The following VPS41 variants were observed in gnomAD, a reference collection of about 807,000 sequenced individuals.
VPS41 encodes the protein VPS41 subunit of HOPS complex.
In VPS41, 85 loss-of-function variants were observed where a neutral mutation model predicts 130.9. That is an observed-to-expected ratio of 0.65 (90% CI 0.55 to 0.78). The LOEUF (loss-of-function observed/expected upper bound fraction) is 0.78, where lower values mean the gene tolerates loss of function less well. VPS41 is among the 30% of genes least tolerant of loss of function. VPS41 has a pLI of 0.00. For missense variants in VPS41, 874 were observed against 1,018.7 expected (o/e 0.86, Z 1.93); for synonymous variants, 335 against 332.9 (o/e 1.01, Z -0.07).
chr7:38,840,701 T>A (rs918530775), intron 4 of VPS41, among the ~76,000 whole-genome samples: 5 of 152,122 alleles, frequency 3.3e-5, no homozygotes, highest in Admixed American at 6.5e-5. Flanking sequence ...AAAATAAACA[T>A]TAAATGTAAA....
chr7:38,746,291 ATTAC>A (rs1351538876), intron 22 of VPS41, among the ~76,000 whole-genome samples: 81 of 152,022 alleles, frequency 5.3e-4, no homozygotes, highest in Middle Eastern at 3.4e-3. Flanking sequence ...ATATTGATAA[ATTAC>A]TTACTAATTC....
At chr7:38,825,549 A>C (rs1785255678) in intron 5 of VPS41, among the ~76,000 whole-genome samples, 1 of 152,184 alleles carries the variant, frequency 6.6e-6, no homozygotes, top group Non-Finnish European at 1.5e-5. Context: ...CATCTGAGAT[A>C]AGAATCACAT....
At chr7:38,896,305 T>C (rs1786990699) in intron 2 of VPS41, among the ~76,000 whole-genome samples, 1 of 152,222 alleles carries the variant, frequency 6.6e-6, no homozygotes, top group Non-Finnish European at 1.5e-5. Context: ...TGCTTTTCAA[T>C]ACTGTATGAG....
At chr7:38,893,877 AAAAACATACG>A (rs1786919868) in intron 2 of VPS41, among the ~76,000 whole-genome samples, 1 of 152,236 alleles carries the variant, frequency 6.6e-6, no homozygotes, top group Non-Finnish European at 1.5e-5. Flanking sequence ...AAGAGTAATG[AAAAACATACG>A]GCCAGTTTTT....
At chr7:38,755,458 G>A (rs1049405277) in intron 19 of VPS41, among the ~76,000 whole-genome samples, 3 of 152,108 alleles carry the variant, frequency 2.0e-5, no homozygotes, top group African/African-American at 7.2e-5. Flanking sequence ...AAAGCTTTTG[G>A]ACTTTCAGAA....
In VPS41 at chr7:38,788,350, C is replaced by T. The variant is rs140771277; in HGVS notation, c.784+1451G>A. Among the ~76,000 whole-genome samples the T allele has an allele frequency of 2.7e-4, 41 of 152,278 alleles. No individual in the cohort carries two copies. The East Asian group carries it at 7.5e-3, about 28-fold the overall frequency. On this transcript the variant is annotated intron_variant, in intron 10 of 28. Coordinates refer to ENST00000310301, the MANE Select transcript of VPS41 (RefSeq NM_014396.4). ...AAGATCCTGGACAAGTCATTTACCT[C>T]CTAAGCCTCAATTTCTTCATCTATA...
At chr7:38,773,829 A>G (rs1784201230) in intron 12 of VPS41, among the ~76,000 whole-genome samples, 1 of 152,164 alleles carries the variant, frequency 6.6e-6, no homozygotes, top group Non-Finnish European at 1.5e-5. Flanking sequence ...TATGTGTCAC[A>G]TTAAATAGTT....
chr7:38,873,667 AG>A (rs1786424130), intron 2 of VPS41, among the ~76,000 whole-genome samples: 1 of 152,204 alleles, frequency 6.6e-6, no homozygotes, highest in Admixed American at 6.5e-5. Flanking sequence ...AGATATGAAC[AG>A]AGTGACATTT....
Position 38,796,848 on chromosome 7 carries a change from C to A in VPS41, c.467G>T (p.Arg156Leu), listed in dbSNP as rs369755273. The A allele has an allele frequency of 6.2e-7, 1 of 1,613,748 alleles. No individual in the cohort carries two copies. The highest frequency in any genetic ancestry group is 1.1e-5 in the South Asian group (1 of 91,076). Residue 156 changes from arginine (R) to leucine (L), a missense_variant, in exon 8 of 29, where the codon CGG becomes CTG. Coordinates refer to ENST00000310301, the MANE Select transcript of VPS41 (RefSeq NM_014396.4). ...TGGKKLLLFE[R>L]SWMNRWKSAV... ...AGACTTCCATCTGTTCATCCAAGAC[C>A]GTTCAAACAGTAGCAGCTAGGGACA...
At chr7:38,809,120 A>G (rs2116053733) in intron 7 of VPS41, among the ~76,000 whole-genome samples, 1 of 152,254 alleles carries the variant, frequency 6.6e-6, no homozygotes, top group South Asian at 2.1e-4. Flanking sequence ...ATTAGCTTGA[A>G]CGTGGCAATC....
chr7:38,850,746 T>C (rs1785836852), intron 4 of VPS41, among the ~76,000 whole-genome samples: 1 of 152,198 alleles, frequency 6.6e-6, no homozygotes, highest in Admixed American at 6.5e-5. Context: ...ATTTAGAACT[T>C]TACACATATA....
intron 4 of VPS41, among the ~76,000 whole-genome samples, chr7:38,850,301 C>A (rs891565596): frequency 6.6e-6 from 1 of 152,190 alleles, no homozygotes; most frequent in Non-Finnish European, 1.5e-5. Context: ...AATCAAGGGT[C>A]TTTTCACATG....
chr7:38,800,660 C>T (rs1315847096), intron 7 of VPS41, among the ~76,000 whole-genome samples: 1 of 152,042 alleles, frequency 6.6e-6, no homozygotes, highest in Admixed American at 6.6e-5. Context: ...ACGGTGAAAC[C>T]CCGTCTCTAC....
chr7:38,864,033 C>A (rs955914709), intron 3 of VPS41, among the ~76,000 whole-genome samples: 4 of 152,198 alleles, frequency 2.6e-5, no homozygotes, highest in African/African-American at 9.6e-5. Flanking sequence ...AAAAACACCA[C>A]ATACGATAAG....
intron 1 of VPS41, among the ~76,000 whole-genome samples, chr7:38,905,153 T>C (rs2116463291): frequency 6.6e-6 from 1 of 152,324 alleles, no homozygotes; most frequent in African/African-American, 2.4e-5. Flanking sequence ...TTAGTACCTA[T>C]AAAGCACTAG....
At chr7:38,885,736 C>T (rs920191127) in intron 2 of VPS41, among the ~76,000 whole-genome samples, 3 of 152,020 alleles carry the variant, frequency 2.0e-5, no homozygotes, top group African/African-American at 2.4e-5. Context: ...TGAGATGAAT[C>T]CAGTGTTGGA....
intron 3 of VPS41, among the ~76,000 whole-genome samples, chr7:38,865,343 G>A (rs1786205962): frequency 6.6e-6 from 1 of 152,006 alleles, no homozygotes; most frequent in South Asian, 2.1e-4. Flanking sequence ...GGCAAAGTTG[G>A]TTTACGTACA....
chr7:38,750,987 A>T (rs1048459016), intron 22 of VPS41, among the ~76,000 whole-genome samples: 45 of 152,232 alleles, frequency 3.0e-4, no homozygotes, highest in African/African-American at 1.1e-3. Context: ...ATGTTGAGAG[A>T]AGAGGGTAGT....
At chr7:38,815,984 C>T (rs1056735171) in intron 7 of VPS41, among the ~76,000 whole-genome samples, 31 of 152,062 alleles carry the variant, frequency 2.0e-4, no homozygotes, top group Non-Finnish European at 1.5e-4. Context: ...TTAATTCTCT[C>T]CCTCTAGAGA....
Sources: allele counts gnomAD v4.1 joint callset (sites outside exome capture counted in the v4.1 genomes callset), GRCh38; gene constraint gnomAD v4.1.1; transcripts MANE v1.5; gene names NCBI Gene and HGNC (gene_info 2026-07-23, HGNC 2026-07-21).